Variants in RBFOX3 observed in about 807,000 individuals in gnomAD.
RBFOX3 encodes the protein RNA binding fox-1 homolog 3.
A neutral mutation model predicts 48.7 loss-of-function variants in RBFOX3; 17 were observed. That is an observed-to-expected ratio of 0.35 (90% CI 0.24 to 0.52). The LOEUF is 0.52. RBFOX3 is among the 20% of genes least tolerant of loss of function. RBFOX3 has a pLI of 0.94. For synonymous variants in RBFOX3, 212 were observed against 209.5 expected, an observed-to-expected ratio of 1.01 and a Z score of -0.10; for missense variants, 382 against 497.5, an observed-to-expected ratio of 0.77 and a Z score of 2.21.
chr17:79,480,926 T>A lies in RBFOX3; in HGVS notation c.-175+1528A>T, dbSNP rs2078688692. Among the ~76,000 whole-genome samples the A allele has an allele frequency of 6.6e-6, 1 of 152,150 alleles. No individual in the cohort carries two copies. Among genetic ancestry groups the A allele is most frequent in the South Asian group, 2.1e-4 (1 of 4,826 alleles). ...AGAACTTGACCTTGTCTCCACTGCG[T>A]CTCCAGCACCCCAAACAGGGCTCAG... is the stretch of plus-strand genomic sequence containing the variant. On this transcript the variant is annotated intron_variant, in intron 2 of 14. Transcript: ENST00000693108. The surrounding 1 kb of genome is among the most constrained non-coding windows in gnomAD (Gnocchi z 4.8).
At chr17:79,638,029 A>G in the RBFOX3 span, among the ~76,000 whole-genome samples, 1 of 99,620 alleles carries the variant, frequency 1.0e-5, no homozygotes, top group Admixed American at 1.0e-4. Context: ...GGAATTTTAA[A>G]AATATCTCAA....
Position 79,425,898 on chromosome 17 carries a change from G to C in RBFOX3, c.-175+56556C>G, listed in dbSNP as rs532213469. On this transcript the variant is annotated intron_variant, in intron 2 of 14. Coordinates refer to ENST00000693108, the MANE Select transcript of RBFOX3 (RefSeq NM_001350451.2). ...CCTTCCAGGGATCTTGCTGCAAAGA[G>C]GGGCGGGCACCAGGCCTGCGCCTGG... 9.8e-5 allele frequency among the ~76,000 whole-genome samples: 15 copies of C among 152,334 alleles called. No homozygotes were observed. The East Asian group carries it at 2.9e-3, about 29-fold the overall frequency.
At chr17:79,313,178 C>A (rs576320304) in intron 2 of RBFOX3, among the ~76,000 whole-genome samples, 1 of 152,292 alleles carries the variant, frequency 6.6e-6, no homozygotes, top group East Asian at 1.9e-4. Flanking sequence ...TAGCTGCCCC[C>A]CTTGCTTCTG....
intron 1 of RBFOX3, among the ~76,000 whole-genome samples, chr17:79,558,020 G>C (rs1234621828): frequency 3.9e-5 from 6 of 152,162 alleles, no homozygotes; most frequent in Non-Finnish European, 8.8e-5. Context: ...TCTAAGAGGA[G>C]AAAAAAGCAG....
In RBFOX3 at chr17:79,390,195, C is replaced by T. The variant is rs913287997; in HGVS notation, c.-174-82371G>A. Reference sequence around the variant, plus strand: ...ACAGAGTTCTGAGGTGTCCAACCTCCGGGACGCTGCACTGACTTTCAAGTG... The same window carrying T: ...ACAGAGTTCTGAGGTGTCCAACCTCTGGGACGCTGCACTGACTTTCAAGTG... On this transcript the variant is annotated intron_variant, in intron 2 of 14. Transcript: ENST00000693108. This position sits in a 1 kb window ranked among gnomAD's most constrained non-coding sequence, Gnocchi z 4.2. Among the ~76,000 whole-genome samples the T allele has an allele frequency of 6.6e-6, 1 of 152,202 alleles. No individual in the cohort carries two copies. The highest frequency in any genetic ancestry group is 3.2e-3 in the Middle Eastern group (1 of 316).
At chr17:79,469,564 C>T (rs2076801121) in intron 2 of RBFOX3, among the ~76,000 whole-genome samples, 1 of 152,198 alleles carries the variant, frequency 6.6e-6, no homozygotes, top group Non-Finnish European at 1.5e-5. Flanking sequence ...CTCACATCTC[C>T]CTATGGCACA....
chr17:79,526,513 G>A (rs899222672), intron 1 of RBFOX3, among the ~76,000 whole-genome samples: 1 of 152,226 alleles, frequency 6.6e-6, no homozygotes, highest in Non-Finnish European at 1.5e-5. Context: ...TGCCCCGAGT[G>A]GTCCCCGGAC....
rs991751171 is a variant in RBFOX3, at chr17:79,496,147, G to C, written c.-319-13549C>G. Among the ~76,000 whole-genome samples the C allele has an allele frequency of 8.2e-3, 1,244 of 152,152 alleles. 12 individuals carry two copies. Among genetic ancestry groups the C allele is most frequent in the African/African-American group, 0.028 (1,151 of 41,482 alleles). ...GACTGAGAGTCCCCCTCTCGGGCTGGAGGCCAGGGCTACTGGTGACCTGAG... is the reference window on the plus strand; with the variant it reads ...GACTGAGAGTCCCCCTCTCGGGCTGCAGGCCAGGGCTACTGGTGACCTGAG... On this transcript the variant is annotated intron_variant, in intron 1 of 14. Coordinates refer to ENST00000693108, the MANE Select transcript of RBFOX3 (RefSeq NM_001350451.2).
At chr17:79,143,694 G>A (rs1430945215) in intron 4 of RBFOX3, among the ~76,000 whole-genome samples, 1 of 152,078 alleles carries the variant, frequency 6.6e-6, no homozygotes, top group African/African-American at 2.4e-5. Context: ...GGGGACCGTC[G>A]TCCTCCAGCA....
chr17:79,263,177 G>A (rs1334462989), intron 3 of RBFOX3, among the ~76,000 whole-genome samples: 1 of 152,230 alleles, frequency 6.6e-6, no homozygotes, highest in African/African-American at 2.4e-5. Context: ...CCCCGGCTGT[G>A]CTGCCTCCCC....
chr17:79,346,315 T>C (rs991270887), intron 2 of RBFOX3, among the ~76,000 whole-genome samples: 3 of 152,240 alleles, frequency 2.0e-5, no homozygotes, highest in African/African-American at 7.2e-5. Context: ...GTGTACTTTG[T>C]ATATGGGTAA....
rs1196568119 is a variant in RBFOX3, at chr17:79,090,237, G to T, written c.*646C>A. 1.3e-5 allele frequency: 2 copies of T among 152,362 alleles called. No individual in the cohort carries two copies. Among genetic ancestry groups the T allele is most frequent in the African/African-American group, 4.8e-5 (2 of 41,468 alleles). The allele number at this position is 152,362 out of a possible 1,614,324, so 9.4% of individuals were successfully genotyped here. On this transcript the variant is annotated 3_prime_UTR_variant, in exon 15 of 15. Transcript: ENST00000693108. ...TCCTGGAGCCACGTCAGCCCTTTCT[G>T]TTGGGAGCTGGCCCCGGGGCTACTG...
In RBFOX3 at chr17:79,242,640, G is replaced by C. The variant is rs992819896; in HGVS notation, c.-73-6835C>G. Among the ~76,000 whole-genome samples the C allele has an allele frequency of 6.6e-6, 1 of 151,992 alleles. No individual in the cohort carries two copies. Among genetic ancestry groups the C allele is most frequent in the Non-Finnish European group, 1.5e-5 (1 of 68,002 alleles). ...GGCTTATGGCTCTGAGCCATAAACT[G>C]TCACCATTAGGGAGACCGGGGAGTT... On this transcript the variant is annotated intron_variant, in intron 3 of 14. Coordinates refer to ENST00000693108, the MANE Select transcript of RBFOX3 (RefSeq NM_001350451.2). This position sits in a 1 kb window ranked among gnomAD's most constrained non-coding sequence, Gnocchi z 5.8.
intron 3 of RBFOX3, among the ~76,000 whole-genome samples, chr17:79,277,121 C>G (rs2069033483): frequency 6.6e-6 from 1 of 152,202 alleles, no homozygotes; most frequent in African/African-American, 2.4e-5. Flanking sequence ...CCACCAGGGA[C>G]CAGAGTAAGC....
At chr17:79,280,992 G>C (rs186519672) in intron 3 of RBFOX3, among the ~76,000 whole-genome samples, 1 of 152,326 alleles carries the variant, frequency 6.6e-6, no homozygotes, top group African/African-American at 2.4e-5. Flanking sequence ...GAGGACAGGG[G>C]ATACTGAAAG....
chr17:79,410,689 G>C (rs1257305713), intron 2 of RBFOX3, among the ~76,000 whole-genome samples: 1 of 152,194 alleles, frequency 6.6e-6, no homozygotes, highest in Non-Finnish European at 1.5e-5. Flanking sequence ...CAGAAAAATG[G>C]TGTTGCTTAA....
At chr17:79,579,974 G>T (rs2093000654) in intron 1 of RBFOX3, among the ~76,000 whole-genome samples, 2 of 151,738 alleles carry the variant, frequency 1.3e-5, no homozygotes, top group African/African-American at 4.8e-5. Flanking sequence ...CACTGGGTCG[G>T]GGAGTCACTG....
At chr17:79,460,773 C>G (rs1267369132) in intron 2 of RBFOX3, among the ~76,000 whole-genome samples, 1 of 152,148 alleles carries the variant, frequency 6.6e-6, no homozygotes, top group Non-Finnish European at 1.5e-5. Context: ...GCTCTTTTGC[C>G]CTTCCACTTT....
rs901701800 is a variant in RBFOX3, at chr17:79,106,639, G to C, written c.360+12C>G. 6.9e-7 allele frequency: 1 copy of C among 1,456,096 alleles called. No homozygotes were observed. The highest frequency in any genetic ancestry group is 3.2e-5 in the Admixed American group (1 of 31,614). 90.2% of individuals were successfully genotyped at this position (1,456,096 alleles called of 1,614,324 possible). A position where few individuals can be genotyped will look rare whatever the true frequency, so the allele number is the denominator to read the frequency against. Reference sequence around the variant, plus strand: ...TGTGGAGGGCAGGATGGGTGGGGCCGCGCACACTCACCCCGAACATTTGCC... The same window carrying C: ...TGTGGAGGGCAGGATGGGTGGGGCCCCGCACACTCACCCCGAACATTTGCC... On this transcript the variant is annotated intron_variant, in intron 6 of 14. Transcript: ENST00000693108.
Sources: allele counts gnomAD v4.1 joint callset (sites outside exome capture counted in the v4.1 genomes callset), GRCh38; gene constraint gnomAD v4.1.1; non-coding constraint Gnocchi (gnomAD v3.1); transcripts MANE v1.5; gene names NCBI Gene and HGNC (gene_info 2026-07-23, HGNC 2026-07-21).